Variants in ANKS1B observed in about 807,000 individuals in gnomAD.
The protein encoded by ANKS1B is ankyrin repeat and sterile alpha motif domain-containing protein 1B.
ANKS1B carries 36 observed loss-of-function variants against 148.3 expected under a neutral mutation model. The ratio of observed to expected loss-of-function variants is 0.24; its 90% CI spans 0.19 to 0.32. ANKS1B has a LOEUF of 0.32. Among genes scored for constraint, ANKS1B ranks in the 10% least tolerant of loss-of-function variants. The pLI, the probability that ANKS1B is intolerant of heterozygous loss-of-function variation, is 1.00. For missense variants in ANKS1B, 1,157 were observed against 1,542.6 expected (o/e 0.75, Z 4.19); for synonymous variants, 542 against 560.8 (o/e 0.97, Z 0.47).
At chr12:99,668,552 T>C (rs1599255664) in intron 8 of ANKS1B, among the ~76,000 whole-genome samples, 1 of 152,260 alleles carries the variant, frequency 6.6e-6, no homozygotes, top group South Asian at 2.1e-4. Flanking sequence ...TTGGTTCTTA[T>C]TTGCATTTAG....
chr12:99,016,665 A>G (rs1238669368), intron 17 of ANKS1B, among the ~76,000 whole-genome samples: 1 of 152,182 alleles, frequency 6.6e-6, no homozygotes, highest in Admixed American at 6.5e-5. Flanking sequence ...CTCTCAAACA[A>G]ACAAACAAAC....
chr12:99,648,831 G>A (rs1383544640), intron 9 of ANKS1B: 2 of 1,569,170 alleles, frequency 1.3e-6, no homozygotes, highest in African/African-American at 2.7e-5. Context: ...GATGCTTTGG[G>A]GGAGAGCAGG....
chr12:98,913,799 T>G (rs1377245838), intron 17 of ANKS1B, among the ~76,000 whole-genome samples: 1 of 152,034 alleles, frequency 6.6e-6, no homozygotes, highest in Non-Finnish European at 1.5e-5. Context: ...CCCATCTAAT[T>G]TTTGTATTTT....
At chr12:99,162,389 C>A (rs2076744943) in intron 14 of ANKS1B, among the ~76,000 whole-genome samples, 1 of 151,914 alleles carries the variant, frequency 6.6e-6, no homozygotes, top group South Asian at 2.1e-4. Flanking sequence ...ATAATAAAAA[C>A]AAATCTTAAA....
intron 12 of ANKS1B, among the ~76,000 whole-genome samples, chr12:99,367,680 C>G (rs1350956174): frequency 6.6e-6 from 1 of 152,018 alleles, no homozygotes; most frequent in Non-Finnish European, 1.5e-5. Flanking sequence ...TACCATAATG[C>G]AGACCTTAAA....
intron 11 of ANKS1B, among the ~76,000 whole-genome samples, chr12:99,409,396 G>T (rs2094614501): frequency 1.3e-5 from 2 of 152,034 alleles, no homozygotes; most frequent in East Asian, 3.9e-4. Flanking sequence ...ATAGTTAATG[G>T]GCTCAAAAAT....
chr12:98,735,126 A>AGAT, exon 10 of ANKS1B: 1 of 398,672 alleles, frequency 2.5e-6, no homozygotes, highest in East Asian at 3.6e-5. Flanking sequence ...AAGAAAGAAG[A>AGAT]GATACCTAGT....
chr12:99,320,522 T>C (rs1317764601), intron 12 of ANKS1B, among the ~76,000 whole-genome samples: 1 of 152,202 alleles, frequency 6.6e-6, no homozygotes, highest in Non-Finnish European at 1.5e-5. Context: ...GTAGTTCTCG[T>C]GGCATGGTTT....
intron 12 of ANKS1B, among the ~76,000 whole-genome samples, chr12:99,390,314 T>G (rs570609369): frequency 1.3e-5 from 2 of 152,310 alleles, no homozygotes; most frequent in African/African-American, 4.8e-5. Flanking sequence ...CTTCCAGGGC[T>G]GGACAGGGTA....
chr12:98,974,597 AGTGC>A (rs2099889204), intron 17 of ANKS1B, among the ~76,000 whole-genome samples: 1 of 149,178 alleles, frequency 6.7e-6, no homozygotes, highest in Non-Finnish European at 1.5e-5. Context: ...ATCATGAAGT[AGTGC>A]TTCTACAGAG....
At chr12:98,963,747 G>A (rs557297361) in intron 17 of ANKS1B, among the ~76,000 whole-genome samples, 1 of 152,170 alleles carries the variant, frequency 6.6e-6, no homozygotes, top group South Asian at 2.1e-4. Flanking sequence ...ATTTGCCAAC[G>A]ATCCACCTGA....
chr12:99,954,841 T>C (rs543201071), intron 1 of ANKS1B, among the ~76,000 whole-genome samples: 1 of 152,302 alleles, frequency 6.6e-6, no homozygotes, highest in South Asian at 2.1e-4. Flanking sequence ...ATGTCAATAG[T>C]ACCAAGGTTG....
chr12:99,247,944 T>C (rs2074076816), intron 12 of ANKS1B, among the ~76,000 whole-genome samples: 1 of 152,232 alleles, frequency 6.6e-6, no homozygotes, highest in Non-Finnish European at 1.5e-5. Flanking sequence ...TGCTGATTCG[T>C]ACTTTCAGTA....
chr12:99,197,673 G>A (rs2081549144), intron 14 of ANKS1B, among the ~76,000 whole-genome samples: 1 of 152,102 alleles, frequency 6.6e-6, no homozygotes, highest in South Asian at 2.1e-4. Flanking sequence ...CACCATTGCT[G>A]GCTTTAAAAA....
intron 17 of ANKS1B, among the ~76,000 whole-genome samples, chr12:98,979,882 T>C (rs1414674155): frequency 1.3e-5 from 2 of 152,116 alleles, no homozygotes; most frequent in Non-Finnish European, 2.9e-5. Context: ...TGTCCTTTTT[T>C]CCCCCAAATA....
chr12:99,335,892 C>A (rs1481295118), intron 12 of ANKS1B, among the ~76,000 whole-genome samples: 1 of 152,100 alleles, frequency 6.6e-6, no homozygotes, highest in Non-Finnish European at 1.5e-5. Flanking sequence ...AATGGGATTT[C>A]TGGATCATAT....
chr12:99,954,816 A>AC (rs1241009112), intron 1 of ANKS1B, among the ~76,000 whole-genome samples: 25 of 152,146 alleles, frequency 1.6e-4, no homozygotes, highest in Non-Finnish European at 5.9e-5. Flanking sequence ...AACAAAAAAA[A>AC]ATTATCTGGT....
intron 17 of ANKS1B, among the ~76,000 whole-genome samples, chr12:98,875,189 C>A (rs973711213): frequency 9.2e-5 from 14 of 152,164 alleles, no homozygotes; most frequent in Non-Finnish European, 2.1e-4. Flanking sequence ...ATCCTTGCTC[C>A]TTGTTCCATA....
At chr12:99,081,418 G>A (rs1212373574) in intron 16 of ANKS1B, among the ~76,000 whole-genome samples, 1 of 152,168 alleles carries the variant, frequency 6.6e-6, no homozygotes, top group Non-Finnish European at 1.5e-5. Context: ...AAAATGAAGA[G>A]ACATTTTGTC....
Sources: gnomAD v4.1 joint callset for allele counts (sites outside exome capture counted in the v4.1 genomes callset) on GRCh38, gnomAD v4.1.1 for gene constraint, MANE v1.5 for transcripts, NCBI Gene and HGNC (gene_info 2026-07-23, HGNC 2026-07-21) for gene names.